The following PAN3 variants were observed in gnomAD, a reference collection of about 807,000 sequenced individuals.
The protein encoded by PAN3 is PAN2-PAN3 deadenylation complex subunit PAN3.
Under a neutral mutation model 96.2 loss-of-function variants are expected in PAN3, and 19 were observed. The ratio of observed to expected loss-of-function variants is 0.20; its 90% CI spans 0.14 to 0.29. PAN3 has a LOEUF of 0.29. Among genes scored for constraint, PAN3 ranks in the 10% least tolerant of loss-of-function variants. PAN3 has a pLI of 1.00. For missense variants in PAN3, 882 were observed against 1,108.1 expected (o/e 0.80, Z 2.90); for synonymous variants, 433 against 406.6 (o/e 1.06, Z -0.78).
In PAN3 at chr13:28,293,493, C is replaced by G. The variant is rs1000825769; in HGVS notation, c.*971C>G. The G allele has an allele frequency of 2.1e-5, 3 of 139,940 alleles. No homozygotes were observed. The highest frequency in any genetic ancestry group is 8.1e-5 in the African/African-American group (3 of 37,152). The allele number at this position is 139,940 out of a possible 1,614,324, so 8.7% of individuals were successfully genotyped here. On this transcript the variant is annotated 3_prime_UTR_variant, in exon 19 of 19. Transcript: ENST00000380958. Reference sequence around the variant, plus strand: ...TGGTCCTTTACACTGGAGACAGACACAGAGACACTGTTCAGAAGATGAACT... The same window carrying G: ...TGGTCCTTTACACTGGAGACAGACAGAGAGACACTGTTCAGAAGATGAACT...
chr13:28,267,153 A>G lies in PAN3; in HGVS notation c.1632A>G (p.Gln544=), dbSNP rs373880567. Residue 544 remains glutamine (Q), a synonymous_variant, in exon 11 of 19, where the codon CAA becomes CAG. Transcript: ENST00000380958. ...TGGTCGACATGTGGAAGAAAATTCA[A>G]CACTCAAATATCGTAACTTTGCGTG... ...MVLVDMWKKI[Q]HSNIVTLREV... 1.7e-5 allele frequency: 28 copies of G among 1,612,892 alleles called. No homozygotes were observed. The highest frequency in any genetic ancestry group is 4.5e-5 in the East Asian group (2 of 44,844).
Position 28,177,226 on chromosome 13 carries a change from AT to A in PAN3, c.620-636del, listed in dbSNP as rs45537531. 6.9e-3 allele frequency among the ~76,000 whole-genome samples: 1,046 copies of A among 152,302 alleles called. 11 individuals are homozygous for A. Among genetic ancestry groups the A allele is most frequent in the African/African-American group, 0.024 (1,011 of 41,580 alleles). Reference sequence around the variant, plus strand: ...AGAAATAATTAAGATATATAATTTTATTTGTAACTTCTTTCTACAGAGTAGT... The same window carrying A: ...AGAAATAATTAAGATATATAATTTTATTGTAACTTCTTTCTACAGAGTAGT... On this transcript the variant is annotated intron_variant, in intron 3 of 18. Coordinates refer to ENST00000380958, the MANE Select transcript of PAN3 (RefSeq NM_175854.8).
At chr13:28,145,249 T>TTGTGTG (rs1870469367) in intron 1 of PAN3, among the ~76,000 whole-genome samples, 1 of 147,494 alleles carries the variant, frequency 6.8e-6, no homozygotes, top group African/African-American at 2.6e-5. Context: ...TTATTTGCAC[T>TTGTGTG]TGCGTGTGTG....
In PAN3 at chr13:28,144,718, C is replaced by CCTTTTTTTTTTTTTTTTTTTTTT. The variant is rs1555267661; in HGVS notation, c.430+5631_430+5632insCTTTTTTTTTTTTTTTTTTTTTT. 1.5e-4 allele frequency among the ~76,000 whole-genome samples: 7 copies of CCTTTTTTTTTTTTTTTTTTTTTT among 46,776 alleles called. 3 individuals are homozygous for CCTTTTTTTTTTTTTTTTTTTTTT. Among genetic ancestry groups the CCTTTTTTTTTTTTTTTTTTTTTT allele is most frequent in the Non-Finnish European group, 9.0e-5 (2 of 22,264 alleles). The allele number at this position is 46,776 out of a possible 152,430, so 30.7% of individuals were successfully genotyped here. On this transcript the variant is annotated intron_variant, in intron 1 of 18. Transcript: ENST00000380958. ...TATCAAAAGCAAACCAAAACATCAT[C>CCTTTTTTTTTTTTTTTTTTTTTT]TTTTTTTTTTTTTTTTTTTTTCCTC... is the stretch of plus-strand genomic sequence containing the variant.
intron 14 of PAN3, among the ~76,000 whole-genome samples, chr13:28,276,016 A>G (rs1353767344): frequency 1.3e-5 from 2 of 152,218 alleles, no homozygotes; most frequent in Non-Finnish European, 2.9e-5. Flanking sequence ...AAGTATAACC[A>G]TATAATGCTA....
chr13:28,214,299 C>T (rs1008140945), intron 5 of PAN3, among the ~76,000 whole-genome samples: 1 of 151,958 alleles, frequency 6.6e-6, no homozygotes, highest in Non-Finnish European at 1.5e-5. Context: ...TTTGTAATAG[C>T]CAAAACTTGG....
chr13:28,241,170 A>G (rs1239378047), intron 6 of PAN3, among the ~76,000 whole-genome samples: 1 of 152,118 alleles, frequency 6.6e-6, no homozygotes, highest in Non-Finnish European at 1.5e-5. Flanking sequence ...CTGAGGCAGT[A>G]TATGATTGCT....
intron 6 of PAN3, among the ~76,000 whole-genome samples, chr13:28,255,463 A>T (rs1344432761): frequency 6.6e-6 from 1 of 151,990 alleles, no homozygotes; most frequent in African/African-American, 2.4e-5. Context: ...GCTAGCTTGG[A>T]ATCTCCTGAA....
chr13:28,281,766 C>CTTTTTTTTTTTTTTTTTT (rs10707261), intron 17 of PAN3, among the ~76,000 whole-genome samples: 2 of 114,958 alleles, frequency 1.7e-5, no homozygotes, highest in Non-Finnish European at 3.6e-5. Context: ...TTAAAGCACA[C>CTTTTTTTTTTTTTTTTTT]TTTTTTTTTT....
chr13:28,154,763 T>G (rs888858249), intron 1 of PAN3, among the ~76,000 whole-genome samples: 5 of 151,404 alleles, frequency 3.3e-5, no homozygotes, highest in Non-Finnish European at 7.4e-5. Context: ...CCCAAAGTGC[T>G]AGGATTACAG....
chr13:28,183,883 A>G (rs1593427480), intron 4 of PAN3, among the ~76,000 whole-genome samples: 1 of 152,206 alleles, frequency 6.6e-6, no homozygotes, highest in African/African-American at 2.4e-5. Flanking sequence ...AGTGTTGACT[A>G]TTATTGGTAG....
chr13:28,292,322 C>T (rs983770466), intron 18 of PAN3, 60 bp from the exon 19 acceptor site: 31 of 1,453,450 alleles, frequency 2.1e-5, no homozygotes, highest in Middle Eastern at 2.5e-4. Context: ...TTGCTGCAAA[C>T]GTAGATAAAT....
At chr13:28,184,764 T>A (rs954411914) in intron 4 of PAN3, among the ~76,000 whole-genome samples, 42 of 152,172 alleles carry the variant, frequency 2.8e-4, no homozygotes, top group Admixed American at 9.8e-4. Context: ...TGTTGTAGAC[T>A]TCTCTTTTAT....
chr13:28,181,504 CAAAAAAAAAA>C lies in PAN3; in HGVS notation c.690+3584_690+3593del, dbSNP rs894039087. Among the ~76,000 whole-genome samples the C allele has an allele frequency of 2.1e-4, 12 of 57,268 alleles. No individual in the cohort carries two copies. In the East Asian group the frequency reaches 6.7e-3, roughly 32 times the overall value. The allele number at this position is 57,268 out of a possible 152,430, so 37.6% of individuals were successfully genotyped here. A position where few individuals can be genotyped will look rare whatever the true frequency, so the allele number is the denominator to read the frequency against. On this transcript the variant is annotated intron_variant, in intron 4 of 18. Coordinates refer to ENST00000380958, the MANE Select transcript of PAN3 (RefSeq NM_175854.8). ...TGTGTGACAGAGCAAAACCCTGTCT[CAAAAAAAAAA>C]AAAAAAAAAAAAAAGGCCCAAAACA...
intron 6 of PAN3, among the ~76,000 whole-genome samples, chr13:28,237,043 CTTTTG>C (rs1246060385): frequency 6.6e-6 from 1 of 152,046 alleles, no homozygotes; most frequent in Non-Finnish European, 1.5e-5. Flanking sequence ...TTAGTCCCTG[CTTTTG>C]TTATGTGGAG....
Position 28,281,354 on chromosome 13 carries a change from T to C in PAN3, c.2359T>C (p.Leu787=), listed in dbSNP as rs540892928. 3.1e-6 allele frequency: 5 copies of C among 1,611,666 alleles called. No homozygotes were observed. The South Asian group carries it at 3.3e-5, about 11-fold the overall frequency. ...AAGACTGTTTAGGCTCCTAGCAAAATTGGGAACAATCAATGAGAGGCCGGA... is the reference window on the plus strand; with the variant it reads ...AAGACTGTTTAGGCTCCTAGCAAAACTGGGAACAATCAATGAGAGGCCGGA... ...NGRLFRLLAK[L]GTINERPEFQ... is the part of the protein sequence containing the mutation. The change falls in exon 17 of 19, where the codon TTG becomes CTG. Residue 787 remains leucine, a synonymous_variant. Transcript: ENST00000380958.
At chr13:28,145,983 G>A (rs1429843051) in intron 1 of PAN3, among the ~76,000 whole-genome samples, 1 of 151,948 alleles carries the variant, frequency 6.6e-6, no homozygotes, top group Admixed American at 6.6e-5. Flanking sequence ...GGCCAGGCTG[G>A]TCTCGAACCC....
At chr13:28,153,022 A>G (rs1351675224) in intron 1 of PAN3, among the ~76,000 whole-genome samples, 2 of 152,116 alleles carry the variant, frequency 1.3e-5, no homozygotes, top group African/African-American at 2.4e-5. Context: ...GACTCATTCT[A>G]TGGAAACACA....
rs190026870 is a variant in PAN3, at chr13:28,199,137, C to A, written c.852+1791C>A. ...GAGAGGTTTTTGATACGGGTTGTTA[C>A]AATTAGTTTTTAGTTTAAAAAAGAA... On this transcript the variant is annotated intron_variant, in intron 5 of 18. Transcript: ENST00000380958. 7.9e-5 allele frequency among the ~76,000 whole-genome samples: 12 copies of A among 151,988 alleles called. No individual in the cohort carries two copies. In the East Asian group the frequency reaches 1.9e-3, roughly 24 times the overall value.
Sources: gnomAD v4.1 joint callset for allele counts (sites outside exome capture counted in the v4.1 genomes callset) on GRCh38, gnomAD v4.1.1 for gene constraint, MANE v1.5 for transcripts, NCBI Gene and HGNC (gene_info 2026-07-23, HGNC 2026-07-21) for gene names.